Variants in UTRN observed in about 807,000 individuals in gnomAD.
UTRN encodes dystrophin-related protein 1.
Under a neutral mutation model 463.9 loss-of-function variants are expected in UTRN, and 283 were observed. The ratio of observed to expected loss-of-function variants is 0.61; its 90% CI spans 0.55 to 0.67. The LOEUF (loss-of-function observed/expected upper bound fraction) is 0.67, where lower values mean the gene tolerates loss of function less well. Ranked by LOEUF, UTRN falls within the 30% of genes least tolerant of loss-of-function variation. The probability of loss-of-function intolerance (pLI) is 0.00; values close to 1 mark genes in which losing one functional copy is unlikely to be tolerated. For missense variants in UTRN, 3,922 were observed against 4,084.3 expected (o/e 0.96, Z 1.08); for synonymous variants, 1,442 against 1,431.5 (o/e 1.01, Z -0.17).
chr6:144,390,531 C>G (rs766071338), intron 2 of UTRN, among the ~76,000 whole-genome samples: 3 of 152,320 alleles, frequency 2.0e-5, no homozygotes, highest in Non-Finnish European at 4.4e-5. Flanking sequence ...TGCAATTTAA[C>G]TGCAGCCTGT....
At chr6:144,466,827 C>T (rs1790008334) in intron 23 of UTRN, among the ~76,000 whole-genome samples, 1 of 152,190 alleles carries the variant, frequency 6.6e-6, no homozygotes, top group South Asian at 2.1e-4. Context: ...AAGATGTCCC[C>T]AAGGCACACA....
chr6:144,733,066 G>A (rs1788942097), intron 54 of UTRN, among the ~76,000 whole-genome samples: 1 of 152,024 alleles, frequency 6.6e-6, no homozygotes, highest in Admixed American at 6.6e-5. Context: ...GCAGCAATTA[G>A]GCATATAATT....
chr6:144,443,721 T>C (rs933871561), intron 13 of UTRN, among the ~76,000 whole-genome samples: 1 of 152,096 alleles, frequency 6.6e-6, no homozygotes. Context: ...GGAATTTTTT[T>C]ATGGATCACA....
rs770873846 is a variant in UTRN, at chr6:144,461,171, C to G, written c.2708-26C>G. On this transcript the variant is annotated intron_variant, in intron 21 of 74. Coordinates refer to ENST00000367545, the MANE Select transcript of UTRN (RefSeq NM_007124.3). ...ATATTGGTTCCTAATATGATTTTTT[C>G]AAACTAAATATTTTTAAATAAACAG... The G allele has an allele frequency of 2.0e-6, 3 of 1,535,702 alleles. No homozygotes were observed. The Admixed American group carries it at 6.2e-5, about 32-fold the overall frequency.
chr6:144,672,134 CT>C, intron 51 of UTRN, among the ~76,000 whole-genome samples: 1 of 151,828 alleles, frequency 6.6e-6, no homozygotes, highest in East Asian at 1.9e-4. Context: ...TTGTTATGTC[CT>C]TTTCTGGTTT....
At chr6:144,689,610 G>A (rs558543296) in intron 52 of UTRN, among the ~76,000 whole-genome samples, 2 of 152,288 alleles carry the variant, frequency 1.3e-5, no homozygotes, top group East Asian at 1.9e-4. Flanking sequence ...CCAGGCTGGT[G>A]CAGGGGGAAT....
At chr6:144,451,704 T>C (rs1205050346) in intron 18 of UTRN, among the ~76,000 whole-genome samples, 1 of 152,020 alleles carries the variant, frequency 6.6e-6, no homozygotes, top group Non-Finnish European at 1.5e-5. Context: ...TTTTTTCATC[T>C]TTGTCAGTCA....
chr6:144,701,829 T>C (rs1586104369), intron 53 of UTRN, among the ~76,000 whole-genome samples: 1 of 152,178 alleles, frequency 6.6e-6, no homozygotes, highest in Non-Finnish European at 1.5e-5. Context: ...TGTGACTAGA[T>C]TATCAAAATT....
intron 42 of UTRN, among the ~76,000 whole-genome samples, chr6:144,531,484 A>T (rs916790729): frequency 3.9e-5 from 6 of 152,242 alleles, no homozygotes; most frequent in African/African-American, 7.2e-5. Context: ...TAAAATTTGT[A>T]AACTGTTATG....
At chr6:144,806,192 G>C (rs1778131906) in intron 65 of UTRN, among the ~76,000 whole-genome samples, 1 of 152,138 alleles carries the variant, frequency 6.6e-6, no homozygotes, top group Non-Finnish European at 1.5e-5. Context: ...TTGTCATGCA[G>C]TAGGTGCATA....
intron 53 of UTRN, among the ~76,000 whole-genome samples, chr6:144,706,567 T>C (rs1284525271): frequency 6.6e-6 from 1 of 152,220 alleles, no homozygotes; most frequent in East Asian, 1.9e-4. Context: ...AGACAGCATC[T>C]TTCATTTAGT....
At chr6:144,662,701 T>C (rs1008129638) in intron 51 of UTRN, among the ~76,000 whole-genome samples, 1 of 152,214 alleles carries the variant, frequency 6.6e-6, no homozygotes, top group Non-Finnish European at 1.5e-5. Flanking sequence ...CGCTTAGTAG[T>C]TGAGGCCAAC....
Position 144,797,973 on chromosome 6 carries a change from T to G in UTRN, c.9228T>G (p.Cys3076Trp). Residue 3076 changes from cysteine (C) to tryptophan (W), a missense_variant, in exon 64 of 75, where the codon TGT (cysteine) becomes TGG (tryptophan). Physicochemically the swap from Cys to Trp is radical, Grantham distance 215 (BLOSUM62 -2). Coordinates refer to ENST00000367545, the MANE Select transcript of UTRN (RefSeq NM_007124.3). ...CCAAATGCAACATCTGTAAAGAATG[T>G]CCAATTGTCGGGTTCAGGTAAGGCG... ...HQAKCNICKE[C>W]PIVGFRYRSL... The G allele has an allele frequency of 6.2e-7, 1 of 1,614,080 alleles. No individual in the cohort carries two copies. The highest frequency in any genetic ancestry group is 8.5e-7 in the Non-Finnish European group (1 of 1,179,984).
At chr6:144,388,168 G>A (rs1011935607) in intron 2 of UTRN, among the ~76,000 whole-genome samples, 1 of 152,154 alleles carries the variant, frequency 6.6e-6, no homozygotes, top group African/African-American at 2.4e-5. Flanking sequence ...TTTGGCTCTT[G>A]GCTTTCTGTC....
intron 52 of UTRN, among the ~76,000 whole-genome samples, chr6:144,692,324 T>G (rs1050519002): frequency 1.3e-5 from 2 of 152,238 alleles, no homozygotes; most frequent in African/African-American, 4.8e-5. Context: ...TCCATGTTGT[T>G]GCTATTGTGC....
chr6:144,643,468 A>G (rs1217379958), intron 51 of UTRN, among the ~76,000 whole-genome samples: 1 of 152,148 alleles, frequency 6.6e-6, no homozygotes, highest in African/African-American at 2.4e-5. Context: ...TCAGATTTTT[A>G]TTTATTTTGT....
intron 65 of UTRN, 74 bp from the exon 66 acceptor site, chr6:144,820,808 G>T: frequency 6.7e-7 from 1 of 1,502,392 alleles, no homozygotes; most frequent in Non-Finnish European, 8.9e-7. Context: ...AATTTACATC[G>T]GCTCTGATTT....
intron 53 of UTRN, among the ~76,000 whole-genome samples, chr6:144,700,560 G>GT (rs201029018): frequency 2.0e-5 from 3 of 151,458 alleles, no homozygotes. Flanking sequence ...GGTTTTTTTT[G>GT]TTTTTTGTTT....
At chr6:144,821,419 G>A (rs1284567215) in intron 66 of UTRN, among the ~76,000 whole-genome samples, 1 of 151,332 alleles carries the variant, frequency 6.6e-6, no homozygotes, top group African/African-American at 2.4e-5. Context: ...TACTCTTTTT[G>A]CATCTCTTTA....
Sources: allele counts gnomAD v4.1 joint callset (sites outside exome capture counted in the v4.1 genomes callset), GRCh38; gene constraint gnomAD v4.1.1; transcripts MANE v1.5; gene names NCBI Gene and HGNC (gene_info 2026-07-23, HGNC 2026-07-21).